The following DYNC2I1 variants were observed in gnomAD, a reference collection of about 807,000 sequenced individuals.
DYNC2I1 encodes the protein cytoplasmic dynein 2 intermediate chain 1.
DYNC2I1 carries 89 observed loss-of-function variants against 133.4 expected under a neutral mutation model. The ratio of observed to expected loss-of-function variants is 0.67; its 90% CI spans 0.56 to 0.80. DYNC2I1 has a LOEUF of 0.80. DYNC2I1 is among the 30% of genes least tolerant of loss of function. The pLI, the probability that DYNC2I1 is intolerant of heterozygous loss-of-function variation, is 0.00. For missense variants in DYNC2I1, 1,291 were observed against 1,314.5 expected (o/e 0.98, Z 0.28); for synonymous variants, 504 against 484.3 (o/e 1.04, Z -0.54).
At chr7:158,912,753 C>T (rs1847615148) in intron 12 of DYNC2I1, among the ~76,000 whole-genome samples, 1 of 152,142 alleles carries the variant, frequency 6.6e-6, no homozygotes, top group African/African-American at 2.4e-5. Context: ...GGTGAGGTGG[C>T]AGTATTTTCA....
At chr7:158,909,998 A>G (rs1257301894) in intron 11 of DYNC2I1, among the ~76,000 whole-genome samples, 1 of 152,116 alleles carries the variant, frequency 6.6e-6, no homozygotes, top group African/African-American at 2.4e-5. Context: ...TGGCCGAGGC[A>G]CCTGGATGTT....
At chr7:158,848,579 T>G in the DYNC2I1 span, among the ~76,000 whole-genome samples, 2 of 152,036 alleles carry the variant, frequency 1.3e-5, no homozygotes, top group Non-Finnish European at 2.9e-5. Context: ...TGAAGTAAAA[T>G]AAAATGAAAA....
chr7:158,923,186 G>T (rs1366776922), intron 16 of DYNC2I1, among the ~76,000 whole-genome samples: 1 of 152,240 alleles, frequency 6.6e-6, no homozygotes, highest in Non-Finnish European at 1.5e-5. Flanking sequence ...AAGCTGTAGA[G>T]AAGAATAACT....
At chr7:158,850,057 G>T in the DYNC2I1 span, among the ~76,000 whole-genome samples, 2 of 152,348 alleles carry the variant, frequency 1.3e-5, no homozygotes, top group Admixed American at 6.5e-5. Flanking sequence ...TGGAGCAGGC[G>T]CTAGGAGCAG....
chr7:158,932,007 G>A (rs1053141589), intron 21 of DYNC2I1, among the ~76,000 whole-genome samples: 1 of 152,180 alleles, frequency 6.6e-6, no homozygotes, highest in Admixed American at 6.5e-5. Flanking sequence ...GAGCTGAGCT[G>A]TGAGGCAGGT....
At chr7:158,864,354 G>A (rs1353612976) in intron 1 of DYNC2I1, among the ~76,000 whole-genome samples, 1 of 150,430 alleles carries the variant, frequency 6.6e-6, no homozygotes, top group Non-Finnish European at 1.5e-5. Flanking sequence ...TCTCTGTCAT[G>A]TGGGGACTCA....
chr7:158,915,148 G>C (rs530450241), intron 14 of DYNC2I1, among the ~76,000 whole-genome samples: 2 of 152,142 alleles, frequency 1.3e-5, no homozygotes, highest in East Asian at 1.9e-4. Flanking sequence ...GATTAAGGAT[G>C]ATTGTGAAAT....
At chr7:158,866,750 T>C (rs1045376838) in intron 1 of DYNC2I1, among the ~76,000 whole-genome samples, 1 of 151,942 alleles carries the variant, frequency 6.6e-6, no homozygotes, top group Non-Finnish European at 1.5e-5. Context: ...CCGGGCGTGG[T>C]GGCGGGCGCC....
chr7:158,937,622 G>GAAAAAAAAAAAAAAAAAAAAAAAAA (rs71189438), intron 23 of DYNC2I1, among the ~76,000 whole-genome samples: 5 of 109,460 alleles, frequency 4.6e-5, no homozygotes, highest in African/African-American at 7.3e-5. Context: ...ACTGTCTCAA[G>GAAAAAAAAAAAAAAAAAAAAAAAAA]AAAAAAAAAA....
chr7:158,841,302 G>A, the DYNC2I1 span, among the ~76,000 whole-genome samples: 3 of 150,246 alleles, frequency 2.0e-5, no homozygotes, highest in East Asian at 5.9e-4. Context: ...CACCTCCCGG[G>A]TTCAAGCAAT....
At chr7:158,856,225 G>A (rs1295071746), upstream of DYNC2I1, among the ~76,000 whole-genome samples, 1 of 151,962 alleles carries the variant, frequency 6.6e-6, no homozygotes, top group Non-Finnish European at 1.5e-5. Flanking sequence ...GGATTACAGG[G>A]GTGAGCCACC....
chr7:158,907,265 A>G (rs919493057), intron 11 of DYNC2I1, among the ~76,000 whole-genome samples: 3 of 141,392 alleles, frequency 2.1e-5, no homozygotes, highest in African/African-American at 8.0e-5. Flanking sequence ...TTCTGGCCCC[A>G]TGGCCTTCTT....
At chr7:158,858,019 G>C (rs1443200364) in intron 1 of DYNC2I1, among the ~76,000 whole-genome samples, 1 of 152,038 alleles carries the variant, frequency 6.6e-6, no homozygotes, top group Non-Finnish European at 1.5e-5. Flanking sequence ...TCGAACTCCT[G>C]ACCTCCGGTG....
intron 20 of DYNC2I1, among the ~76,000 whole-genome samples, chr7:158,928,037 A>C (rs115931625): frequency 0.015 from 2,254 of 152,298 alleles, 49 homozygotes; most frequent in African/African-American, 0.043. Context: ...TTACAACCCC[A>C]GGGTGTATCA....
intron 4 of DYNC2I1, among the ~76,000 whole-genome samples, chr7:158,955,612 C>T (rs1852178961): frequency 6.6e-6 from 1 of 152,214 alleles, no homozygotes; most frequent in South Asian, 2.1e-4. Context: ...ACACCCAGCG[C>T]TAACATAAAT....
At position 158,919,495 on chromosome 7, in the gene DYNC2I1, C is replaced by T. The variant is rs1406790506; in HGVS notation, c.1921+626C>T. ...TCTTTGTCTCTGAAAAAGTGGCTGT[C>T]GGGTACCGGAGGGCAGCCATGGTCC... On this transcript the variant is annotated intron_variant, in intron 15 of 24. Coordinates refer to ENST00000407559, the MANE Select transcript of DYNC2I1 (RefSeq NM_018051.5). 7.9e-5 allele frequency among the ~76,000 whole-genome samples: 12 copies of T among 152,192 alleles called. No homozygotes were observed. In the East Asian group the frequency reaches 1.2e-3, roughly 15 times the overall value.
chr7:158,927,935 A>G (rs1849784659), intron 20 of DYNC2I1, among the ~76,000 whole-genome samples: 1 of 152,224 alleles, frequency 6.6e-6, no homozygotes, highest in Non-Finnish European at 1.5e-5. Context: ...AGTCAAGGAC[A>G]GCTGTGTTCT....
chr7:158,863,722 G>A, intron 1 of DYNC2I1, among the ~76,000 whole-genome samples: 1 of 81,090 alleles, frequency 1.2e-5, no homozygotes, highest in African/African-American at 5.1e-5. Context: ...GGCGGTGAGC[G>A]GGACGTCCTT....
chr7:158,866,425 G>A (rs1047753033), intron 1 of DYNC2I1, among the ~76,000 whole-genome samples: 1 of 151,080 alleles, frequency 6.6e-6, no homozygotes, highest in Non-Finnish European at 1.5e-5. Context: ...GCCCCTTGGT[G>A]TCCTGGGCGT....
Sources: allele counts gnomAD v4.1 joint callset (sites outside exome capture counted in the v4.1 genomes callset), GRCh38; gene constraint gnomAD v4.1.1; transcripts MANE v1.5; gene names NCBI Gene and HGNC (gene_info 2026-07-23, HGNC 2026-07-21).